PLXDC2: variants seen among roughly 807,000 people sequenced by gnomAD.
The protein encoded by PLXDC2 is plexin domain-containing protein 2.
In PLXDC2, 40 loss-of-function variants were observed where a neutral mutation model predicts 68.9. The observed-to-expected ratio is 0.58, with a 90% CI of 0.45 to 0.76. PLXDC2 has a LOEUF of 0.76. Among genes scored for constraint, PLXDC2 ranks in the 30% least tolerant of loss-of-function variants. PLXDC2 has a pLI of 0.00. For missense variants in PLXDC2, 644 were observed against 661.9 expected (o/e 0.97, Z 0.30); for synonymous variants, 243 against 234.2 (o/e 1.04, Z -0.34).
intron 13 of PLXDC2, among the ~76,000 whole-genome samples, chr10:20,247,304 A>AAG: frequency 6.6e-6 from 1 of 151,582 alleles, no homozygotes; most frequent in East Asian, 1.9e-4. Context: ...TACAAAAAAA[A>AAG]AAAAAAAGAA....
At chr10:20,029,685 C>T (rs1835467455) in intron 2 of PLXDC2, among the ~76,000 whole-genome samples, 1 of 152,058 alleles carries the variant, frequency 6.6e-6, no homozygotes, top group Admixed American at 6.5e-5. Flanking sequence ...AGTATAAATG[C>T]CAGGTTTATA....
chr10:20,049,017 T>C (rs1345161719), intron 3 of PLXDC2, among the ~76,000 whole-genome samples: 1 of 152,148 alleles, frequency 6.6e-6, no homozygotes, highest in Non-Finnish European at 1.5e-5. Context: ...TTGTTAAATA[T>C]ATACAATTGT....
intron 1 of PLXDC2, among the ~76,000 whole-genome samples, chr10:19,898,917 G>T (rs931630542): frequency 3.3e-5 from 5 of 152,162 alleles, no homozygotes; most frequent in Non-Finnish European, 5.9e-5. Flanking sequence ...CACTGGGCTG[G>T]ATTTCATATA....
At chr10:19,890,676 CTTTTTTTTT>C (rs56921191) in intron 1 of PLXDC2, among the ~76,000 whole-genome samples, 6 of 61,148 alleles carry the variant, frequency 9.8e-5, no homozygotes, top group East Asian at 6.1e-4. Context: ...CGCCCGGCTG[CTTTTTTTTT>C]TTTTTTTTTT....
chr10:20,264,494 G>A (rs1034675142), intron 13 of PLXDC2, among the ~76,000 whole-genome samples: 5 of 151,836 alleles, frequency 3.3e-5, no homozygotes, highest in African/African-American at 4.8e-5. Flanking sequence ...TAATAAAAAC[G>A]CTAAGGAACT....
At chr10:20,231,585 TAA>T (rs1046422427) in intron 12 of PLXDC2, among the ~76,000 whole-genome samples, 4 of 151,194 alleles carry the variant, frequency 2.6e-5, no homozygotes, top group South Asian at 2.1e-4. Context: ...AAGAAGGAAA[TAA>T]GAGTAGAAAA....
intron 2 of PLXDC2, among the ~76,000 whole-genome samples, chr10:20,027,590 A>G (rs750277045): frequency 1.3e-5 from 2 of 152,172 alleles, no homozygotes; most frequent in East Asian, 1.9e-4. Flanking sequence ...AGTCTGATTA[A>G]TGATCTTTAA....
rs567761010 is a variant in PLXDC2 at position 19,895,998 on chromosome 10, T to C, written c.112+78807T>C. Among the ~76,000 whole-genome samples the C allele has an allele frequency of 4.6e-5, 7 of 152,314 alleles. No individual in the cohort carries two copies. The South Asian group carries it at 1.2e-3, about 27-fold the overall frequency. ...TCATGGTACCACTCCAGGAAGGTCC[T>C]GGAGCAGGTCAAGGTCGGGGGGCCC... On this transcript the variant is annotated intron_variant, in intron 1 of 13. Transcript: ENST00000377252.
intron 5 of PLXDC2, among the ~76,000 whole-genome samples, chr10:20,147,066 A>G (rs1342273165): frequency 6.6e-6 from 1 of 152,148 alleles, no homozygotes; most frequent in East Asian, 1.9e-4. Flanking sequence ...TTGAATTCTC[A>G]CTGGTGACTA....
At chr10:20,135,639 T>G (rs566195264) in intron 4 of PLXDC2, among the ~76,000 whole-genome samples, 1 of 152,320 alleles carries the variant, frequency 6.6e-6, no homozygotes, top group African/African-American at 2.4e-5. Flanking sequence ...CAGCTCCTGT[T>G]CTTTCTGGAG....
At chr10:19,900,788 G>A (rs1020737486) in intron 1 of PLXDC2, among the ~76,000 whole-genome samples, 14 of 151,750 alleles carry the variant, frequency 9.2e-5, no homozygotes, top group African/African-American at 3.1e-4. Context: ...CCCAAAGTCC[G>A]TTGTATCCTT....
chr10:20,069,725 A>G (rs1402306065), intron 4 of PLXDC2, among the ~76,000 whole-genome samples: 7 of 148,864 alleles, frequency 4.7e-5, no homozygotes, highest in Non-Finnish European at 1.0e-4. Flanking sequence ...CAGCTACTTG[A>G]GGGGTTGAGG....
At chr10:19,883,966 C>T (rs545247157) in intron 1 of PLXDC2, among the ~76,000 whole-genome samples, 187 of 131,780 alleles carry the variant, frequency 1.4e-3, no homozygotes, top group African/African-American at 5.3e-3. Context: ...TGATTGATCT[C>T]GGCTCACTGC....
intron 1 of PLXDC2, among the ~76,000 whole-genome samples, chr10:19,932,668 T>C (rs1833658831): frequency 6.6e-6 from 1 of 152,204 alleles, no homozygotes; most frequent in Non-Finnish European, 1.5e-5. Flanking sequence ...TTTAAGTAAA[T>C]CATAATCTTT....
At chr10:20,231,615 CAAAT>C (rs1403264366) in intron 12 of PLXDC2, among the ~76,000 whole-genome samples, 2 of 150,994 alleles carry the variant, frequency 1.3e-5, no homozygotes, top group Non-Finnish European at 1.5e-5. Context: ...AGAAAACAGA[CAAAT>C]AACAGAGAAT....
chr10:20,004,252 A>G (rs988887969), intron 2 of PLXDC2, among the ~76,000 whole-genome samples: 27 of 152,308 alleles, frequency 1.8e-4, no homozygotes, highest in Non-Finnish European at 1.5e-5. Context: ...ACTCCATGGC[A>G]TTAGCTATTA....
intron 13 of PLXDC2, among the ~76,000 whole-genome samples, chr10:20,260,201 A>C (rs549769581): frequency 1.2e-4 from 19 of 152,274 alleles, no homozygotes; most frequent in Middle Eastern, 3.4e-3. Flanking sequence ...TGTGTGATAC[A>C]TGCACCTAAA....
chr10:19,833,183 G>A (rs1836726984), intron 1 of PLXDC2, among the ~76,000 whole-genome samples: 1 of 152,174 alleles, frequency 6.6e-6, no homozygotes, highest in African/African-American at 2.4e-5. Context: ...GTTGGTTATT[G>A]ATGAATCTAT....
intron 12 of PLXDC2, among the ~76,000 whole-genome samples, chr10:20,221,303 G>T (rs911296106): frequency 2.6e-5 from 4 of 151,972 alleles, no homozygotes; most frequent in Non-Finnish European, 5.9e-5. Context: ...TTAAAGCAGT[G>T]CCTTATGATG....
Sources: allele counts gnomAD v4.1 joint callset (sites outside exome capture counted in the v4.1 genomes callset), GRCh38; gene constraint gnomAD v4.1.1; transcripts MANE v1.5; gene names NCBI Gene and HGNC (gene_info 2026-07-23, HGNC 2026-07-21).